The following CACNA1D variants were observed in gnomAD, a reference collection of about 807,000 sequenced individuals.
CACNA1D encodes voltage-dependent L-type calcium channel subunit alpha-1D.
Under a neutral mutation model 257.1 loss-of-function variants are expected in CACNA1D, and 55 were observed. The ratio of observed to expected loss-of-function variants is 0.21; its 90% confidence interval spans 0.17 to 0.27. The LOEUF is 0.27. Ranked by LOEUF, CACNA1D falls within the 10% of genes least tolerant of loss-of-function variation. CACNA1D has a pLI of 1.00. For missense variants in CACNA1D, 1,876 were observed against 2,784.0 expected, an observed-to-expected ratio of 0.67 and a Z score of 7.34; for synonymous variants, 980 against 1,014.9, an observed-to-expected ratio of 0.97 and a Z score of 0.65.
At chr3:53,707,951 T>C (rs1251664950) in intron 9 of CACNA1D, among the ~76,000 whole-genome samples, 1 of 152,246 alleles carries the variant, frequency 6.6e-6, no homozygotes, top group Middle Eastern at 3.2e-3. Flanking sequence ...GGGGCATACC[T>C]GAAACTTCAT....
rs2095496243 is a variant in CACNA1D, at chr3:53,793,950, C to G, written c.4924-6299C>G. Among the ~76,000 whole-genome samples the G allele has an allele frequency of 6.6e-6, 1 of 152,228 alleles. No individual in the cohort carries two copies. Among genetic ancestry groups the G allele is most frequent in the Non-Finnish European group, 1.5e-5 (1 of 68,042 alleles). On this transcript the variant is annotated intron_variant, in intron 40 of 47. Transcript: ENST00000350061. The surrounding 1 kb of genome is among the most constrained non-coding windows in gnomAD (Gnocchi z 4.1). ...CACCCCCAACACCAGCATCCATAGG[C>G]TAAACTCTTCAGCTCCTGGATAGAA...
At chr3:53,745,247 T>C (rs1293357824) in intron 23 of CACNA1D, among the ~76,000 whole-genome samples, 1 of 151,914 alleles carries the variant, frequency 6.6e-6, no homozygotes, top group Non-Finnish European at 1.5e-5. Context: ...TCTTCTTTTT[T>C]TTTTTTTCTT....
chr3:53,666,633 C>A, intron 7 of CACNA1D, 98 bp downstream of exon 7: 1 of 976,420 alleles, frequency 1.0e-6, no homozygotes, highest in Non-Finnish European at 1.7e-6. Context: ...AAAAGAAACC[C>A]TGAAGTCAGT....
rs1037381075 is a variant in CACNA1D at position 53,727,110 on chromosome 3, T to C, written c.2221+111T>C. 2.0e-5 allele frequency: 25 copies of C among 1,242,608 alleles called. No individual in the cohort carries two copies. In the East Asian group the frequency reaches 5.6e-4, roughly 28 times the overall value. 77.0% of individuals were successfully genotyped at this position (1,242,608 alleles called of 1,614,324 possible). On this transcript the variant is annotated intron_variant, in intron 15 of 47. Coordinates refer to ENST00000350061, the MANE Select transcript of CACNA1D (RefSeq NM_001128840.3). ...GGTGGTAGTAGTTGTGGCAGGGAGGTAAATGCCTTTACCTTATTAGCTCAA... is the reference window on the plus strand; with the variant it reads ...GGTGGTAGTAGTTGTGGCAGGGAGGCAAATGCCTTTACCTTATTAGCTCAA...
At chr3:53,638,192 TC>T (rs1284945028) in intron 3 of CACNA1D, among the ~76,000 whole-genome samples, 1 of 152,172 alleles carries the variant, frequency 6.6e-6, no homozygotes, top group Non-Finnish European at 1.5e-5. Context: ...GGCCTGGGGA[TC>T]TGGGCCCTCT....
intron 3 of CACNA1D, among the ~76,000 whole-genome samples, chr3:53,514,680 C>T (rs1425427501): frequency 1.3e-5 from 2 of 152,090 alleles, no homozygotes; most frequent in East Asian, 1.9e-4. Flanking sequence ...AGGTAGGTGT[C>T]GTTAGCCTTA....
chr3:53,497,122 A>G, intron 1 of CACNA1D, 30 bp from the exon 2 acceptor site: 1 of 1,602,884 alleles, frequency 6.2e-7, no homozygotes, highest in Non-Finnish European at 8.5e-7. Flanking sequence ...ATTTAAAAAA[A>G]AAAATCTTTG....
intron 40 of CACNA1D, among the ~76,000 whole-genome samples, chr3:53,799,578 C>T (rs1469555470): frequency 6.6e-6 from 1 of 152,190 alleles, no homozygotes; most frequent in Non-Finnish European, 1.5e-5. Flanking sequence ...AAAAGCGGAC[C>T]CCCTGTTGGT....
rs766812720 is a variant in CACNA1D, at chr3:53,801,413, C to A, written c.5396C>A (p.Ser1799Tyr). 6.2e-7 allele frequency: 1 copy of A among 1,613,990 alleles called. No homozygotes were observed. The highest frequency in any genetic ancestry group is 1.7e-5 in the Admixed American group (1 of 60,014). The stretch of plus-strand genomic sequence containing the variant: ...CATGACCGGGAGCCTCAGAGAAGGT[C>A]CAGTGTGAAAAGGTAACCTTGACAA... ...HKHDREPQRRSSVKRTRYYET... is the reference protein window; with the variant it reads ...HKHDREPQRRYSVKRTRYYET... Residue 1799 changes from serine (S) to tyrosine (Y), a missense_variant, in exon 42 of 48, where the codon TCC becomes TAC. Ser to Tyr is a moderately radical substitution (Grantham distance 144). Transcript: ENST00000350061.
At chr3:53,623,517 A>G (rs1030896374) in intron 3 of CACNA1D, among the ~76,000 whole-genome samples, 2 of 152,224 alleles carry the variant, frequency 1.3e-5, no homozygotes, top group African/African-American at 4.8e-5. Context: ...TTCTCTGTGT[A>G]TTTGAAGATG....
At chr3:53,552,855 A>G (rs1391691692) in intron 3 of CACNA1D, among the ~76,000 whole-genome samples, 2 of 152,208 alleles carry the variant, frequency 1.3e-5, no homozygotes, top group Non-Finnish European at 2.9e-5. Flanking sequence ...CTTCCATCCT[A>G]AACTACAAAC....
intron 3 of CACNA1D, among the ~76,000 whole-genome samples, chr3:53,583,104 G>A (rs1215729667): frequency 6.6e-6 from 1 of 152,092 alleles, no homozygotes; most frequent in Non-Finnish European, 1.5e-5. Flanking sequence ...ACCCCTGATG[G>A]GCAAGATTAT....
At chr3:53,735,335 T>C (rs763582191) in intron 19 of CACNA1D, 39 bp from the exon 20 acceptor site, 11 of 1,606,980 alleles carry the variant, frequency 6.8e-6, no homozygotes, top group East Asian at 2.2e-5. Flanking sequence ...TGTTCCACCC[T>C]ATCTGGGACT....
At chr3:53,791,196 G>C (rs2095480864) in intron 40 of CACNA1D, 2 of 584,662 alleles carry the variant, frequency 3.4e-6, no homozygotes, top group African/African-American at 1.9e-5. Flanking sequence ...TGGAAGCGGG[G>C]CCGTGGCTCA....
chr3:53,712,939 C>A (rs2094775704), intron 9 of CACNA1D, among the ~76,000 whole-genome samples: 1 of 152,290 alleles, frequency 6.6e-6, no homozygotes, highest in Middle Eastern at 3.4e-3. Flanking sequence ...CTTCGGGGTG[C>A]CTTGACTGGA....
chr3:53,511,126 T>C (rs1226921382), intron 3 of CACNA1D, among the ~76,000 whole-genome samples: 1 of 152,192 alleles, frequency 6.6e-6, no homozygotes, highest in African/African-American at 2.4e-5. Flanking sequence ...ATGTCCCGTG[T>C]TCTTATTATC....
intron 47 of CACNA1D, 135 bp from the exon 48 acceptor site, chr3:53,810,978 A>G: frequency 1.4e-6 from 1 of 728,828 alleles, no homozygotes; most frequent in Non-Finnish European, 2.5e-6. Flanking sequence ...TATGAGGTCT[A>G]GAAAACATGA....
rs149916712 is a variant in CACNA1D, at chr3:53,591,442, C to T, written c.484-59337C>T. Among the ~76,000 whole-genome samples the T allele has an allele frequency of 4.2e-3, 637 of 152,092 alleles. 4 individuals are homozygous for T. Among genetic ancestry groups the T allele is most frequent in the African/African-American group, 0.014 (599 of 41,484 alleles). On this transcript the variant is annotated intron_variant, in intron 3 of 47. Transcript: ENST00000350061. Reference sequence around the variant, plus strand: ...TAATTTTTTGAATTTTTAGTAGAGACGGAGTTTTGCCATGTTGCCCAGGCT... The same window carrying T: ...TAATTTTTTGAATTTTTAGTAGAGATGGAGTTTTGCCATGTTGCCCAGGCT...
intron 20 of CACNA1D, among the ~76,000 whole-genome samples, chr3:53,737,513 C>T (rs1388552247): frequency 3.3e-5 from 5 of 152,168 alleles, no homozygotes; most frequent in African/African-American, 1.2e-4. Context: ...CTTATGGATA[C>T]TGACTGTACT....
Sources: gnomAD v4.1 joint callset for allele counts (sites outside exome capture counted in the v4.1 genomes callset) on GRCh38, gnomAD v4.1.1 for gene constraint, Gnocchi (gnomAD v3.1) non-coding constraint, MANE v1.5 for transcripts, NCBI Gene and HGNC (gene_info 2026-07-23, HGNC 2026-07-21) for gene names.